The following DGUOK variants were observed in gnomAD, a reference collection of about 807,000 sequenced individuals.
DGUOK encodes deoxyguanosine kinase, mitochondrial.
Under a neutral mutation model 36.6 loss-of-function variants are expected in DGUOK, and 30 were observed. The observed-to-expected ratio is 0.82, with a 90% CI of 0.61 to 1.11. The LOEUF is 1.11. DGUOK is among the 50% of genes most tolerant of loss of function. The pLI is 0.00. For synonymous variants in DGUOK, 145 were observed against 126.3 expected, an observed-to-expected ratio of 1.15 and a Z score of -0.99; for missense variants, 361 against 336.4, an observed-to-expected ratio of 1.07 and a Z score of -0.57.
intron 2 of DGUOK, among the ~76,000 whole-genome samples, chr2:73,940,576 G>A (rs1440319741): frequency 6.6e-6 from 1 of 152,180 alleles, no homozygotes; most frequent in Non-Finnish European, 1.5e-5. Context: ...TTCTGAGTAT[G>A]CCACAGGTCA....
chr2:73,951,316 G>T (rs1573561527), intron 4 of DGUOK, among the ~76,000 whole-genome samples: 1 of 152,262 alleles, frequency 6.6e-6, no homozygotes, highest in Non-Finnish European at 1.5e-5. Flanking sequence ...GAAGTGAGCT[G>T]TGGCTTCTGC....
chr2:73,958,744 C>T lies in DGUOK; in HGVS notation c.*8C>T, dbSNP rs755744446. ...TTTGTAAAGAATCTGTAACCAATAC[C>T]ATGAAGTTCAGGCTGTGATCTGGGC... On this transcript the variant is annotated 3_prime_UTR_variant, in exon 7 of 7. Coordinates refer to ENST00000264093, the MANE Select transcript of DGUOK (RefSeq NM_080916.3). 8.1e-6 allele frequency: 13 copies of T among 1,610,360 alleles called. No individual in the cohort carries two copies. The highest frequency in any genetic ancestry group is 2.7e-5 in the African/African-American group (2 of 74,850).
In DGUOK at chr2:73,957,446, G is replaced by A. The variant is rs2002711; in HGVS notation, c.707+206G>A. 0.46 allele frequency among the ~76,000 whole-genome samples: 69,284 copies of A among 152,118 alleles called. 17,280 individuals are homozygous for A. The highest frequency in any genetic ancestry group is 0.53 in the Non-Finnish European group (36,187 of 67,976). On this transcript the variant is annotated intron_variant, in intron 5 of 6. Transcript: ENST00000264093. ...TGTAATCCCAGCACTTTGGGAGGCT[G>A]AGGCAGTCACCTGAGGTCAGGATTC...
chr2:73,958,576 TTTC>T, intron 6 of DGUOK, 131 bp from the exon 7 acceptor site: 1 of 771,662 alleles, frequency 1.3e-6, no homozygotes, highest in Non-Finnish European at 2.3e-6. Context: ...GCTGCCCACA[TTTC>T]TTCTCCATGC....
chr2:73,936,288 TC>T (rs1681459725), intron 1 of DGUOK, among the ~76,000 whole-genome samples: 1 of 152,130 alleles, frequency 6.6e-6, no homozygotes, highest in Non-Finnish European at 1.5e-5. Flanking sequence ...GCTAGAGAAG[TC>T]CTGAAGAAGT....
Position 73,953,290 on chromosome 2 carries a change from ATCG to A in DGUOK, c.591+2582_591+2584del, listed in dbSNP as rs70965773. 9.4e-3 allele frequency among the ~76,000 whole-genome samples: 1,326 copies of A among 140,702 alleles called. 16 individuals carry two copies. Among genetic ancestry groups the A allele is most frequent in the African/African-American group, 0.028 (1,090 of 38,254 alleles). The allele number at this position is 140,702 out of a possible 152,430, so 92.3% of individuals were successfully genotyped here. A position where few individuals can be genotyped will look rare whatever the true frequency, so the allele number is the denominator to read the frequency against. On this transcript the variant is annotated intron_variant, in intron 4 of 6. Transcript: ENST00000264093. ...GATGATGATGATGATCATCATCATCATCGTCGTCGTCGTCGTCGTCGTCGTCAC... is the reference window on the plus strand; with the variant it reads ...GATGATGATGATGATCATCATCATCATCGTCGTCGTCGTCGTCGTCGTCAC...
chr2:73,956,010 A>C (rs1193195702), intron 4 of DGUOK, among the ~76,000 whole-genome samples: 1 of 152,190 alleles, frequency 6.6e-6, no homozygotes, highest in Non-Finnish European at 1.5e-5. Context: ...TTGGAGCAAA[A>C]ATTTTGAGGT....
rs1322338523 is a variant in DGUOK, at chr2:73,958,308, C to G, written c.807+63C>G. 17 of 1,367,522 alleles carry G rather than the reference C, an allele frequency of 1.2e-5. No individual in the cohort carries two copies. The South Asian group carries it at 2.0e-4, about 16-fold the overall frequency. 84.7% of individuals were successfully genotyped at this position (1,367,522 alleles called of 1,614,324 possible). Reference sequence around the variant, plus strand: ...CTTTGTTGTACTTTTATCTTTCTGGCCTTTGCTTCAAAGTTCAATATCATG... The same window carrying G: ...CTTTGTTGTACTTTTATCTTTCTGGGCTTTGCTTCAAAGTTCAATATCATG... On this transcript the variant is annotated intron_variant, in intron 6 of 6. Coordinates refer to ENST00000264093, the MANE Select transcript of DGUOK (RefSeq NM_080916.3).
At chr2:73,958,059 C>G (rs996038299) in intron 5 of DGUOK, 87 bp from the exon 6 acceptor site, 23 of 1,011,760 alleles carry the variant, frequency 2.3e-5, no homozygotes, top group Non-Finnish European at 3.6e-5. Context: ...TAGATCTGTT[C>G]TCTGAGTAAG....
intron 1 of DGUOK, among the ~76,000 whole-genome samples, chr2:73,932,380 G>A (rs1035582265): frequency 2.6e-5 from 4 of 152,154 alleles, no homozygotes; most frequent in African/African-American, 9.7e-5. Flanking sequence ...GAGCTTGTTT[G>A]CACATTCACC....
At chr2:73,940,098 C>G (rs968395492) in intron 2 of DGUOK, among the ~76,000 whole-genome samples, 1 of 152,038 alleles carries the variant, frequency 6.6e-6, no homozygotes, top group African/African-American at 2.4e-5. Flanking sequence ...GACAGGGTTT[C>G]GCCATGTTGG....
chr2:73,953,606 C>T (rs1682857310), intron 4 of DGUOK, among the ~76,000 whole-genome samples: 1 of 151,936 alleles, frequency 6.6e-6, no homozygotes, highest in Admixed American at 6.6e-5. Flanking sequence ...ATGTAAAAAG[C>T]TGTGCAAGTG....
intron 2 of DGUOK, among the ~76,000 whole-genome samples, chr2:73,943,127 G>A (rs543190150): frequency 6.6e-6 from 1 of 152,112 alleles, no homozygotes; most frequent in South Asian, 2.1e-4. Flanking sequence ...TATTATTTGT[G>A]TGTATGGTGA....
intron 4 of DGUOK, among the ~76,000 whole-genome samples, chr2:73,955,278 C>T (rs555921747): frequency 1.3e-3 from 199 of 152,220 alleles, no homozygotes; most frequent in African/African-American, 4.6e-3. Flanking sequence ...TTTATTTTCA[C>T]GAAACAGACA....
intron 1 of DGUOK, among the ~76,000 whole-genome samples, chr2:73,938,154 A>T (rs1262870253): frequency 9.9e-5 from 15 of 152,112 alleles, no homozygotes; most frequent in Admixed American, 9.8e-4. Flanking sequence ...GGCTTCTTCT[A>T]GGGCCTCAAA....
At chr2:73,950,551 C>T in intron 3 of DGUOK, 34 bp from the exon 4 acceptor site, 2 of 1,612,782 alleles carry the variant, frequency 1.2e-6, no homozygotes, top group East Asian at 2.2e-5. Flanking sequence ...TCCCATTCTC[C>T]TGCCCTCCCC....
chr2:73,957,635 CTG>C (rs1306168000), intron 5 of DGUOK, among the ~76,000 whole-genome samples: 1 of 152,250 alleles, frequency 6.6e-6, no homozygotes, highest in Non-Finnish European at 1.5e-5. Flanking sequence ...GATCGCACCA[CTG>C]TACTCCAGCC....
intron 4 of DGUOK, among the ~76,000 whole-genome samples, chr2:73,955,583 G>C (rs1487550178): frequency 6.6e-6 from 1 of 152,138 alleles, no homozygotes; most frequent in East Asian, 1.9e-4. Flanking sequence ...TATTGAAAGA[G>C]GGAAGTCCTG....
In DGUOK at chr2:73,958,006, AATGCAGTTTAC is replaced by A. The variant is rs1395191780; in HGVS notation, c.708-130_708-120del. 4.5e-6 allele frequency: 3 copies of A among 671,150 alleles called. No homozygotes were observed. In the Admixed American group the frequency reaches 7.1e-5, roughly 16 times the overall value. The allele number at this position is 671,150 out of a possible 1,614,324, so 41.6% of individuals were successfully genotyped here. A position where few individuals can be genotyped will look rare whatever the true frequency, so the allele number is the denominator to read the frequency against. On this transcript the variant is annotated intron_variant, in intron 5 of 6. Transcript: ENST00000264093. ...CAACTTTATTGAATTTGTTTTTTTAAATGCAGTTTACATGCAGTTTCTTTGAAAAGTCATGT... is the reference window on the plus strand; with the variant it reads ...CAACTTTATTGAATTTGTTTTTTTAAATGCAGTTTCTTTGAAAAGTCATGT...
Sources: allele counts gnomAD v4.1 joint callset (sites outside exome capture counted in the v4.1 genomes callset), GRCh38; gene constraint gnomAD v4.1.1; transcripts MANE v1.5; gene names NCBI Gene and HGNC (gene_info 2026-07-23, HGNC 2026-07-21).